The following ASCC3 variants were observed in gnomAD, a reference collection of about 807,000 sequenced individuals.
ASCC3 encodes ASC-1 complex subunit P200.
Under a neutral mutation model 256.3 loss-of-function variants are expected in ASCC3, and 158 were observed. That is an observed-to-expected ratio of 0.62 (90% CI 0.54 to 0.70). ASCC3 has a LOEUF of 0.70. Among genes scored for constraint, ASCC3 ranks in the 30% least tolerant of loss-of-function variants. The pLI is 0.00. For missense variants in ASCC3, 2,259 were observed against 2,626.0 expected (o/e 0.86, Z 3.05); for synonymous variants, 948 against 883.4 (o/e 1.07, Z -1.30).
chr6:100,608,824 C>T lies in ASCC3; in HGVS notation c.4786-1736G>A, dbSNP rs139553370. ...CGTTGCCCAGGTTGGAGTGCAGTGG[C>T]GTGATCTCGGCTCACTGCAAGCTCT... On this transcript the variant is annotated intron_variant, in intron 30 of 41. Transcript: ENST00000369162. Among the ~76,000 whole-genome samples the T allele has an allele frequency of 6.6e-3, 796 of 119,766 alleles. 4 individuals carry two copies. The highest frequency in any genetic ancestry group is 0.021 in the East Asian group (86 of 4,034). 78.6% of individuals were successfully genotyped at this position (119,766 alleles called of 152,430 possible).
chr6:100,648,202 T>C (rs1775482482), intron 20 of ASCC3, among the ~76,000 whole-genome samples: 1 of 152,104 alleles, frequency 6.6e-6, no homozygotes, highest in Admixed American at 6.6e-5. Context: ...ACTTTATTAA[T>C]AGACATATAG....
intron 36 of ASCC3, among the ~76,000 whole-genome samples, chr6:100,579,221 C>T (rs1771057430): frequency 7.0e-6 from 1 of 143,340 alleles, no homozygotes; most frequent in Non-Finnish European, 1.5e-5. Context: ...TGCTTAAGTT[C>T]CTTATAGATT....
chr6:100,532,400 ATATATATTTT>A (rs1250041127), intron 37 of ASCC3, among the ~76,000 whole-genome samples: 49 of 52,326 alleles, frequency 9.4e-4, no homozygotes, highest in South Asian at 7.0e-3. Context: ...ATATATATAT[ATATATATTTT>A]TTTTTTTTTT....
Position 100,540,259 on chromosome 6 carries a change from G to C in ASCC3, c.5679C>G (p.Leu1893=). 1 of 1,614,036 alleles carries C rather than the reference G, an allele frequency of 6.2e-7. No homozygotes were observed. Among genetic ancestry groups the C allele is most frequent in the Non-Finnish European group, 8.5e-7 (1 of 1,179,986 alleles). The change falls in exon 37 of 42, where the codon CTC becomes CTG. Residue 1893 remains leucine (L), a synonymous_variant. Transcript: ENST00000369162. ...CTCGGCTGAGATGTGCCTGTAGCAG[G>C]AGATGTGCTTTGGTGTGAGGGCTGT... ...SFDSPHTKAH[L]LLQAHLSRAM...
Position 100,796,164 on chromosome 6 carries a change from T to C in ASCC3, c.1395+2549A>G, listed in dbSNP as rs139031441. 1.4e-3 allele frequency among the ~76,000 whole-genome samples: 214 copies of C among 152,214 alleles called. 1 individual carries two copies. Among genetic ancestry groups the C allele is most frequent in the African/African-American group, 4.7e-3 (197 of 41,540 alleles). On this transcript the variant is annotated intron_variant, in intron 8 of 41. Transcript: ENST00000369162. Reference sequence around the variant, plus strand: ...AATAATACATAAAAATATAAGTGGCTAAAATAAAAATAAAAAACAGTGACA... The same window carrying C: ...AATAATACATAAAAATATAAGTGGCCAAAATAAAAATAAAAAACAGTGACA...
intron 8 of ASCC3, among the ~76,000 whole-genome samples, chr6:100,767,673 ATC>A (rs1313351584): frequency 2.0e-5 from 3 of 151,790 alleles, no homozygotes; most frequent in African/African-American, 7.3e-5. Context: ...CACTGGCGTG[ATC>A]TCGGCTCACT....
intron 30 of ASCC3, among the ~76,000 whole-genome samples, chr6:100,608,998 G>T (rs1283762236): frequency 6.7e-6 from 1 of 149,704 alleles, no homozygotes; most frequent in African/African-American, 2.5e-5. Flanking sequence ...TCCTGGCCTC[G>T]TGATCCGCCC....
intron 36 of ASCC3, among the ~76,000 whole-genome samples, chr6:100,544,369 T>G (rs1775604313): frequency 6.6e-6 from 1 of 151,744 alleles, no homozygotes; most frequent in South Asian, 2.1e-4. Context: ...AGAAAACAAA[T>G]GAGACCAAAA....
At chr6:100,624,008 C>T (rs577142071) in intron 30 of ASCC3, among the ~76,000 whole-genome samples, 28 of 151,450 alleles carry the variant, frequency 1.8e-4, no homozygotes, top group African/African-American at 6.3e-4. Flanking sequence ...GGAGATATAC[C>T]TAATGTTAAA....
Position 100,644,119 on chromosome 6 carries a change from G to A in ASCC3, c.3644C>T (p.Thr1215Ile), listed in dbSNP as rs1775264810. Reference sequence around the variant, plus strand: ...CCAAATCCACCAAGGTTCTCCTACTGTCCCATGTACCTAGAAGAAAAATAG... The same window carrying A: ...CCAAATCCACCAAGGTTCTCCTACTATCCCATGTACCTAGAAGAAAAATAG... ...DFTWNDQVHG[T>I]VGEPWWIWVE... Residue 1215 changes from threonine (T) to isoleucine (I), a missense_variant, in exon 23 of 42, where the codon ACA becomes ATA. This residue lies in a region of ASCC3 where 1,839 missense variants were observed against 2,206.7 expected (regional missense o/e 0.83). Coordinates refer to ENST00000369162, the MANE Select transcript of ASCC3 (RefSeq NM_006828.4). 1 of 1,610,850 alleles carries A rather than the reference G, an allele frequency of 6.2e-7. No individual in the cohort carries two copies. The highest frequency in any genetic ancestry group is 2.2e-5 in the East Asian group (1 of 44,696).
At chr6:100,628,912 C>T (rs1774390843) in intron 27 of ASCC3, 103 bp downstream of exon 27, 1 of 1,097,530 alleles carries the variant, frequency 9.1e-7, no homozygotes, top group East Asian at 2.6e-5. Flanking sequence ...CACATTGTGC[C>T]CTAGAAATAT....
chr6:100,851,915 C>T (rs1354831532), intron 3 of ASCC3, among the ~76,000 whole-genome samples: 1 of 152,136 alleles, frequency 6.6e-6, no homozygotes, highest in Non-Finnish European at 1.5e-5. Flanking sequence ...CCTGCAACCA[C>T]CCCGGCTTGT....
At chr6:100,733,849 C>G (rs74945991) in intron 10 of ASCC3, among the ~76,000 whole-genome samples, 2,480 of 152,224 alleles carry the variant, frequency 0.016, 74 homozygotes, top group African/African-American at 0.057. Context: ...CTCCCATCTC[C>G]TCTCCACTAG....
At chr6:100,596,599 T>G (rs1772312026) in intron 34 of ASCC3, among the ~76,000 whole-genome samples, 2 of 152,210 alleles carry the variant, frequency 1.3e-5, no homozygotes, top group Non-Finnish European at 2.9e-5. Context: ...TTTTGTATGA[T>G]TTTAATTCTG....
At chr6:100,732,847 A>G (rs1779971296) in intron 10 of ASCC3, among the ~76,000 whole-genome samples, 1 of 151,890 alleles carries the variant, frequency 6.6e-6, no homozygotes, top group Non-Finnish European at 1.5e-5. Context: ...CATTACTAAT[A>G]TAGCACCAGT....
intron 36 of ASCC3, among the ~76,000 whole-genome samples, chr6:100,560,558 T>C (rs1267591816): frequency 6.6e-6 from 1 of 151,976 alleles, no homozygotes; most frequent in Non-Finnish European, 1.5e-5. Context: ...TGAATAATGA[T>C]ATCCCTCTTT....
intron 8 of ASCC3, among the ~76,000 whole-genome samples, chr6:100,780,420 C>A (rs1181101412): frequency 6.6e-6 from 1 of 152,066 alleles, no homozygotes; most frequent in African/African-American, 2.4e-5. Flanking sequence ...AAAGACCCTG[C>A]CATAATATGA....
At chr6:100,770,384 A>G (rs1027242726) in intron 8 of ASCC3, among the ~76,000 whole-genome samples, 13 of 152,012 alleles carry the variant, frequency 8.6e-5, no homozygotes, top group African/African-American at 3.1e-4. Flanking sequence ...GTAAGACTGA[A>G]TGCTTTCCTC....
intron 8 of ASCC3, among the ~76,000 whole-genome samples, chr6:100,774,833 C>A (rs572063870): frequency 6.6e-6 from 1 of 152,132 alleles, no homozygotes; most frequent in African/African-American, 2.4e-5. Flanking sequence ...AAGAAAAAGG[C>A]ATGTTTAAAA....
Sources: gnomAD v4.1 joint callset for allele counts (sites outside exome capture counted in the v4.1 genomes callset) on GRCh38, gnomAD v4.1.1 for gene constraint, gnomAD v4.1.1 regional missense constraint, MANE v1.5 for transcripts, NCBI Gene and HGNC (gene_info 2026-07-23, HGNC 2026-07-21) for gene names.